The following ZNF385D variants were observed in gnomAD, a reference collection of about 807,000 sequenced individuals.
ZNF385D encodes the protein zinc finger protein 385D.
A neutral mutation model predicts 35.8 loss-of-function variants in ZNF385D; 15 were observed. The ratio of observed to expected loss-of-function variants is 0.42; its 90% CI spans 0.28 to 0.64. ZNF385D has a LOEUF of 0.64. Ranked by LOEUF, ZNF385D falls within the 30% of genes least tolerant of loss-of-function variation. ZNF385D has a pLI of 0.23. For missense variants in ZNF385D, 474 were observed against 494.6 expected (o/e 0.96, Z 0.39); for synonymous variants, 212 against 186.8 (o/e 1.13, Z -1.10).
At chr3:22,045,295 T>C (rs1277440769) in intron 3 of ZNF385D, among the ~76,000 whole-genome samples, 1 of 152,100 alleles carries the variant, frequency 6.6e-6, no homozygotes, top group East Asian at 1.9e-4. Context: ...GATTAAATGT[T>C]ATTATTGCTT....
At chr3:21,435,214 A>G (rs899368713) in intron 5 of ZNF385D, among the ~76,000 whole-genome samples, 2 of 149,854 alleles carry the variant, frequency 1.3e-5, no homozygotes, top group Non-Finnish European at 3.0e-5. Context: ...TTGTTTCTTT[A>G]TCAGATATTT....
At chr3:21,904,196 C>A (rs971618557) in intron 3 of ZNF385D, among the ~76,000 whole-genome samples, 1 of 149,934 alleles carries the variant, frequency 6.7e-6, no homozygotes, top group Admixed American at 6.7e-5. Flanking sequence ...CCCAGCTACT[C>A]TGGAGGCTGA....
intron 3 of ZNF385D, among the ~76,000 whole-genome samples, chr3:21,818,069 A>G (rs1178228943): frequency 5.3e-5 from 8 of 152,096 alleles, no homozygotes; most frequent in Non-Finnish European, 1.0e-4. Flanking sequence ...TCAGCAAACT[A>G]TCACAAGGAC....
chr3:21,639,530 C>A (rs1285244646), intron 2 of ZNF385D, among the ~76,000 whole-genome samples: 1 of 151,740 alleles, frequency 6.6e-6, no homozygotes, highest in East Asian at 1.9e-4. Context: ...TCTTTCAAAC[C>A]ATTATTTTTT....
intron 2 of ZNF385D, among the ~76,000 whole-genome samples, chr3:21,663,359 T>G (rs1430735061): frequency 6.6e-6 from 1 of 152,132 alleles, no homozygotes; most frequent in Non-Finnish European, 1.5e-5. Flanking sequence ...ATCCAGCCTT[T>G]TATGGCCTTC....
chr3:22,188,128 A>G (rs868274595), intron 2 of ZNF385D, among the ~76,000 whole-genome samples: 2 of 152,188 alleles, frequency 1.3e-5, no homozygotes, highest in Non-Finnish European at 2.9e-5. Flanking sequence ...GCAGAAACCT[A>G]ATTTTCAAAG....
rs368843585 is a variant in ZNF385D at position 21,797,673 on chromosome 3, T to C, written c.326-132645A>G. On this transcript the variant is annotated intron_variant, in intron 3 of 5. Transcript: ENST00000494108. ...GAATATCAGTCAAAGCCAAAAATAATTGAACCATCTATTAAGTCATAAAGA... is the reference window on the plus strand; with the variant it reads ...GAATATCAGTCAAAGCCAAAAATAACTGAACCATCTATTAAGTCATAAAGA... 4.7e-4 allele frequency among the ~76,000 whole-genome samples: 71 copies of C among 152,314 alleles called. 1 individual carries two copies. The highest frequency in any genetic ancestry group is 9.8e-4 in the Admixed American group (15 of 15,308).
At chr3:21,803,956 T>G (rs952729253) in intron 3 of ZNF385D, among the ~76,000 whole-genome samples, 1 of 152,184 alleles carries the variant, frequency 6.6e-6, no homozygotes, top group South Asian at 2.1e-4. Context: ...CAAACTTTAA[T>G]AGGAACATTG....
chr3:21,597,914 A>G (rs760613018), intron 2 of ZNF385D, among the ~76,000 whole-genome samples: 1 of 152,176 alleles, frequency 6.6e-6, no homozygotes, highest in Non-Finnish European at 1.5e-5. Context: ...TCTCTTCTGT[A>G]TGGCAAGGAT....
chr3:22,126,218 T>G (rs550239887), intron 3 of ZNF385D, among the ~76,000 whole-genome samples: 173 of 152,040 alleles, frequency 1.1e-3, no homozygotes, highest in Admixed American at 4.9e-3. Flanking sequence ...TCATATTGAC[T>G]GATTTGCATA....
At chr3:22,244,123 C>A (rs1699638723) in intron 2 of ZNF385D, among the ~76,000 whole-genome samples, 1 of 150,374 alleles carries the variant, frequency 6.7e-6, no homozygotes, top group South Asian at 2.2e-4. Context: ...ACAAAATCTA[C>A]AGTTTCAAAA....
intron 6 of ZNF385D, among the ~76,000 whole-genome samples, chr3:21,424,758 AAC>A (rs1700935376): frequency 6.6e-6 from 1 of 150,512 alleles, no homozygotes; most frequent in South Asian, 2.1e-4. Flanking sequence ...CATGCAAATA[AAC>A]AAAGATGCCC....
chr3:21,962,119 T>C (rs1702631917), intron 3 of ZNF385D, among the ~76,000 whole-genome samples: 1 of 152,042 alleles, frequency 6.6e-6, no homozygotes, highest in East Asian at 1.9e-4. Flanking sequence ...GAAAACATAT[T>C]ATGGGCAATA....
chr3:21,919,651 G>A (rs1460406273), intron 3 of ZNF385D, among the ~76,000 whole-genome samples: 1 of 152,096 alleles, frequency 6.6e-6, no homozygotes, highest in Non-Finnish European at 1.5e-5. Context: ...AATTAGCTTT[G>A]TTTAACTCAG....
At chr3:21,935,872 A>G (rs1701232486) in intron 3 of ZNF385D, among the ~76,000 whole-genome samples, 1 of 152,150 alleles carries the variant, frequency 6.6e-6, no homozygotes, top group African/African-American at 2.4e-5. Flanking sequence ...AGGTTTTAGA[A>G]TTGTTCACAT....
chr3:22,100,137 C>T (rs1701852963), intron 3 of ZNF385D, among the ~76,000 whole-genome samples: 1 of 145,066 alleles, frequency 6.9e-6, no homozygotes, highest in Non-Finnish European at 1.5e-5. Context: ...AATGAGATAT[C>T]ATCTCACACC....
intron 3 of ZNF385D, among the ~76,000 whole-genome samples, chr3:21,904,382 T>G (rs1293149101): frequency 6.6e-6 from 1 of 152,010 alleles, no homozygotes; most frequent in East Asian, 1.9e-4. Context: ...TATATTTTTC[T>G]GCTTGTTTCA....
intron 4 of ZNF385D, among the ~76,000 whole-genome samples, chr3:21,444,606 T>C (rs1423561129): frequency 1.3e-5 from 2 of 151,934 alleles, no homozygotes; most frequent in East Asian, 3.9e-4. Context: ...AGGCTGGTCT[T>C]GAATGCTTGA....
chr3:21,437,157 T>A lies in ZNF385D; in HGVS notation c.486A>T (p.Glu162Asp), dbSNP rs144522502. Residue 162 changes from glutamate to aspartate, a missense_variant, in exon 5 of 8, where the codon GAA becomes GAT. Glu to Asp is a conservative substitution (Grantham distance 45). Coordinates refer to ENST00000281523, the MANE Select transcript of ZNF385D (RefSeq NM_024697.3). ...TTGTCATAACACTGCTTTTGCGGAT[T>A]TCCACAGTTGTCGTCGTTGATATTG... The part of the protein sequence containing the change: ...TPAISTTTTV[E>D]IRKSSVMTTE... 1 of 1,613,850 alleles carries A rather than the reference T, an allele frequency of 6.2e-7. No individual in the cohort carries two copies. Among genetic ancestry groups the A allele is most frequent in the Non-Finnish European group, 8.5e-7 (1 of 1,179,914 alleles).
Sources: allele counts gnomAD v4.1 joint callset (sites outside exome capture counted in the v4.1 genomes callset), GRCh38; gene constraint gnomAD v4.1.1; transcripts MANE v1.5; gene names NCBI Gene and HGNC (gene_info 2026-07-23, HGNC 2026-07-21).